Variants in TULP3 observed in about 807,000 individuals in gnomAD.
The protein encoded by TULP3 is TUB like protein 3, also known as tubby-related protein 3.
A neutral mutation model predicts 50.7 loss-of-function variants in TULP3; 38 were observed. That is an observed-to-expected ratio of 0.75 (90% CI 0.58 to 0.98). TULP3 has a LOEUF of 0.98. TULP3 is among the 50% of genes least tolerant of loss of function. The pLI, the probability that TULP3 is intolerant of heterozygous loss-of-function variation, is 0.00. For synonymous variants in TULP3, 183 were observed against 196.6 expected (o/e 0.93, Z 0.58); for missense variants, 550 against 568.0 (o/e 0.97, Z 0.32).
chr12:2,934,699 T>C (rs1192584337), intron 8 of TULP3, 138 bp downstream of exon 8: 1 of 489,284 alleles, frequency 2.0e-6, no homozygotes, highest in African/African-American at 2.0e-5. Flanking sequence ...ATTTTCTCCA[T>C]GTATTTGAGT....
intron 4 of TULP3, among the ~76,000 whole-genome samples, chr12:2,924,884 A>T (rs143406832): frequency 4.7e-4 from 71 of 150,832 alleles, no homozygotes; most frequent in East Asian, 1.2e-3. Flanking sequence ...AAAATTAATT[A>T]AAAAAAAATA....
At chr12:2,925,542 A>G (rs2098194230) in intron 4 of TULP3, among the ~76,000 whole-genome samples, 1 of 152,140 alleles carries the variant, frequency 6.6e-6, no homozygotes, top group Admixed American at 6.6e-5. Context: ...AGTGTCCATC[A>G]TGTGTCAGGC....
At chr12:2,902,046 C>CAG (rs1443050142) in intron 1 of TULP3, among the ~76,000 whole-genome samples, 1 of 152,100 alleles carries the variant, frequency 6.6e-6, no homozygotes, top group African/African-American at 2.4e-5. Flanking sequence ...AATATCTTTG[C>CAG]AGTAATTCCT....
At position 2,938,246 on chromosome 12, in the gene TULP3, G is replaced by A. The variant is rs2098202678; in HGVS notation, c.1156G>A (p.Ala386Thr). 3.1e-6 allele frequency: 5 copies of A among 1,614,166 alleles called. No homozygotes were observed. The East Asian group carries it at 6.7e-5, about 22-fold the overall frequency. Residue 386 changes from alanine to threonine, a missense_variant, in exon 10 of 11, where the codon GCG becomes ACG. Ala to Thr is a moderately conservative substitution (Grantham distance 58, BLOSUM62 0). Transcript: ENST00000448120. ...VLNFRGRVTQ[A>T]SVKNFQIVHK... ...CAACTTCCGTGGCCGGGTCACTCAGGCGTCTGTGAAGAACTTCCAGATAGT... is the reference window on the plus strand; with the variant it reads ...CAACTTCCGTGGCCGGGTCACTCAGACGTCTGTGAAGAACTTCCAGATAGT...
At chr12:2,895,301 C>G (rs2098174878) in intron 1 of TULP3, among the ~76,000 whole-genome samples, 1 of 152,078 alleles carries the variant, frequency 6.6e-6, no homozygotes, top group Non-Finnish European at 1.5e-5. Flanking sequence ...CTAAATGGGC[C>G]TCCTAGGAAA....
chr12:2,922,518 C>A, intron 4 of TULP3, 116 bp downstream of exon 4: 2 of 1,315,344 alleles, frequency 1.5e-6, no homozygotes, highest in Non-Finnish European at 2.1e-6. Context: ...TGGCTTAGGG[C>A]CTCACAGAGG....
chr12:2,925,283 G>A (rs184804247), intron 4 of TULP3, among the ~76,000 whole-genome samples: 14 of 152,240 alleles, frequency 9.2e-5, no homozygotes, highest in African/African-American at 2.6e-4. Flanking sequence ...AATTGAAGGG[G>A]GAAGTCCAGA....
intron 1 of TULP3, among the ~76,000 whole-genome samples, chr12:2,893,431 C>T (rs1603503655): frequency 6.7e-6 from 1 of 149,946 alleles, no homozygotes; most frequent in East Asian, 2.0e-4. Flanking sequence ...AGTGATTCTC[C>T]AGCCTCAGCC....
At chr12:2,919,427 T>C (rs1014383553) in intron 2 of TULP3, among the ~76,000 whole-genome samples, 1 of 152,196 alleles carries the variant, frequency 6.6e-6, no homozygotes, top group Non-Finnish European at 1.5e-5. Context: ...ATTGAATTAA[T>C]CAGTGTGCTC....
intron 1 of TULP3, among the ~76,000 whole-genome samples, chr12:2,893,557 G>A (rs1043247503): frequency 4.6e-5 from 7 of 151,952 alleles, no homozygotes; most frequent in African/African-American, 1.7e-4. Flanking sequence ...CCGACCTCAG[G>A]GGATTCGCCC....
chr12:2,917,978 A>G (rs1003183758), intron 2 of TULP3, among the ~76,000 whole-genome samples: 1 of 151,146 alleles, frequency 6.6e-6, no homozygotes, highest in Middle Eastern at 3.5e-3. Context: ...TATCCTAGCT[A>G]CTCCGGAGGC....
chr12:2,909,914 C>G (rs1484458163), intron 2 of TULP3, among the ~76,000 whole-genome samples: 1 of 152,224 alleles, frequency 6.6e-6, no homozygotes, highest in Non-Finnish European at 1.5e-5. Flanking sequence ...TTAAGTACCT[C>G]TCTACGATGT....
At chr12:2,913,225 G>A (rs2098186685) in intron 2 of TULP3, among the ~76,000 whole-genome samples, 2 of 143,448 alleles carry the variant, frequency 1.4e-5, no homozygotes, top group Admixed American at 1.4e-4. Flanking sequence ...GTGTGTGTAT[G>A]TGTGTGTGTG....
At chr12:2,925,434 C>T (rs2098194145) in intron 4 of TULP3, among the ~76,000 whole-genome samples, 1 of 152,054 alleles carries the variant, frequency 6.6e-6, no homozygotes, top group Admixed American at 6.6e-5. Flanking sequence ...AAGAGAGGTA[C>T]CAGGAGGAAG....
At chr12:2,903,475 T>C (rs2098180375) in intron 1 of TULP3, among the ~76,000 whole-genome samples, 1 of 151,146 alleles carries the variant, frequency 6.6e-6, no homozygotes, top group South Asian at 2.1e-4. Flanking sequence ...GGCAGGAGAA[T>C]TGCTTGAACC....
chr12:2,940,871 C>G lies in TULP3; in HGVS notation c.*1427C>G. The G allele has an allele frequency of 1.4e-6, 1 of 712,852 alleles. No homozygotes were observed. The highest frequency in any genetic ancestry group is 2.3e-6 in the Non-Finnish European group (1 of 441,558). The allele number at this position is 712,852 out of a possible 1,614,324, so 44.2% of individuals were successfully genotyped here. On this transcript the variant is annotated 3_prime_UTR_variant, in exon 11 of 11. Transcript: ENST00000448120. ...ACAGCCATGCCCAGAAGCCTCACAC[C>G]TCGTCACCACCACCACCCCCCACCC...
chr12:2,891,152 T>C lies in TULP3; in HGVS notation c.41+164T>C, dbSNP rs539246876. ...GCGGGAGGCGACCCCCTCGCCCTAC[T>C]CCCGTGTGGGGACCCCTTTCTCAAG... is the stretch of plus-strand genomic sequence containing the variant. On this transcript the variant is annotated intron_variant, in intron 1 of 10. Transcript: ENST00000448120. Among the ~76,000 whole-genome samples, 73 of 146,202 alleles carry C rather than the reference T, an allele frequency of 5.0e-4. No individual in the cohort carries two copies. In the East Asian group the frequency reaches 0.015, roughly 30 times the overall value.
chr12:2,892,103 TGTAA>T (rs559065787), intron 1 of TULP3, among the ~76,000 whole-genome samples: 18 of 151,612 alleles, frequency 1.2e-4, no homozygotes, highest in Non-Finnish European at 1.6e-4. Flanking sequence ...TGATTTGACG[TGTAA>T]GTATTTAGTT....
intron 1 of TULP3, among the ~76,000 whole-genome samples, chr12:2,893,974 A>G (rs965674148): frequency 6.6e-6 from 1 of 151,930 alleles, no homozygotes; most frequent in African/African-American, 2.4e-5. Context: ...GTTTAGTGAA[A>G]ATTGGAGGTG....
Sources: gnomAD v4.1 joint callset for allele counts (sites outside exome capture counted in the v4.1 genomes callset) on GRCh38, gnomAD v4.1.1 for gene constraint, MANE v1.5 for transcripts, NCBI Gene and HGNC (gene_info 2026-07-23, HGNC 2026-07-21) for gene names.